The following TREML2 variants were observed in gnomAD, a reference collection of about 807,000 sequenced individuals.
TREML2 encodes the protein triggering receptor expressed on myeloid cells like 2, also known as trem-like transcript 2 protein.
In TREML2, 24 loss-of-function variants were observed where a neutral mutation model predicts 25.9. The ratio of observed to expected loss-of-function variants is 0.93; its 90% CI spans 0.67 to 1.30. The LOEUF is 1.30. Ranked by LOEUF, TREML2 falls within the 50% of genes most tolerant of loss-of-function variation. TREML2 has a pLI of 0.00. For synonymous variants in TREML2, 139 were observed against 155.2 expected, an observed-to-expected ratio of 0.90 and a Z score of 0.77; for missense variants, 359 against 395.6, an observed-to-expected ratio of 0.91 and a Z score of 0.78.
chr6:41,195,707 A>C (rs962807118), intron 2 of TREML2, among the ~76,000 whole-genome samples: 2 of 152,158 alleles, frequency 1.3e-5, no homozygotes, highest in Admixed American at 6.5e-5. Context: ...CCCCCAAAGA[A>C]CTCTTCAGAG....
At chr6:41,194,957 G>GGCCCAAGGTCAAGGAGA in intron 2 of TREML2, 124 bp from the exon 3 acceptor site, 2 of 844,172 alleles carry the variant, frequency 2.4e-6, no homozygotes, top group Non-Finnish European at 3.6e-6. Flanking sequence ...TCTTCTCCTT[G>GGCCCAAGGTCAAGGAGA]ACCTTGGGCC....
intron 2 of TREML2, among the ~76,000 whole-genome samples, chr6:41,197,571 T>A (rs1766190524): frequency 6.6e-6 from 1 of 152,196 alleles, no homozygotes; most frequent in African/African-American, 2.4e-5. Context: ...CCCCCAGTAC[T>A]TCAGTAGCTC....
intron 2 of TREML2, 61 bp downstream of exon 2, chr6:41,198,048 G>GA (rs1766201674): frequency 2.8e-6 from 4 of 1,436,400 alleles, no homozygotes; most frequent in Middle Eastern, 2.6e-4. Context: ...TCTGATGTTA[G>GA]TGGAGTGTGG....
chr6:41,194,906 A>C, intron 2 of TREML2, 73 bp from the exon 3 acceptor site: 1 of 1,427,786 alleles, frequency 7.0e-7, no homozygotes, highest in East Asian at 2.3e-5. Context: ...CTGGCAACCC[A>C]CACAGTTGCC....
chr6:41,192,834 C>G lies in TREML2; in HGVS notation c.853G>C (p.Val285Leu). ...TGTCTCTTCTTCCAAAACCCATAGA[C>G]CATGATCAGCATCAGCACCAGGAGG... ...LTLLVLMLIMVYGFWKKRHMA... is the reference protein window; with the variant it reads ...LTLLVLMLIMLYGFWKKRHMA... The change falls in exon 4 of 5, where the codon GTC (valine) becomes CTC (leucine). Residue 285 changes from valine to leucine, a missense_variant. Coordinates refer to ENST00000483722, the MANE Select transcript of TREML2 (RefSeq NM_024807.4). The G allele has an allele frequency of 6.2e-7, 1 of 1,612,220 alleles. No homozygotes were observed. Among genetic ancestry groups the G allele is most frequent in the Non-Finnish European group, 8.5e-7 (1 of 1,178,986 alleles).
In TREML2 at chr6:41,198,538, C is replaced by T. The variant is rs940555087; in HGVS notation, c.56-109G>A. On this transcript the variant is annotated intron_variant, in intron 1 of 4. Coordinates refer to ENST00000483722, the MANE Select transcript of TREML2 (RefSeq NM_024807.4). Reference sequence around the variant, plus strand: ...TAGAGTGGATATTGTCCTGCTGTCACAGAACCCACAGATTGAGGGGGAAAT... The same window carrying T: ...TAGAGTGGATATTGTCCTGCTGTCATAGAACCCACAGATTGAGGGGGAAAT... 4.7e-5 allele frequency: 56 copies of T among 1,182,590 alleles called. No homozygotes were observed. In the African/African-American group the frequency reaches 6.6e-4, roughly 14 times the overall value. 73.3% of individuals were successfully genotyped at this position (1,182,590 alleles called of 1,614,324 possible). A position where few individuals can be genotyped will look rare whatever the true frequency, so the allele number is the denominator to read the frequency against.
chr6:41,191,358 G>T lies in TREML2; in HGVS notation c.*1069C>A, dbSNP rs1766059046. 6.6e-6 allele frequency: 1 copy of T among 152,382 alleles called. No homozygotes were observed. Among genetic ancestry groups the T allele is most frequent in the Admixed American group, 6.5e-5 (1 of 15,284 alleles). 9.4% of individuals were successfully genotyped at this position (152,382 alleles called of 1,614,324 possible). ...TCGGGACATTGGGTCCCTGGCCAGA[G>T]GCTACTTGGGCTCCATTTTCCCTGT... On this transcript the variant is annotated 3_prime_UTR_variant, in exon 5 of 5. Coordinates refer to ENST00000483722, the MANE Select transcript of TREML2 (RefSeq NM_024807.4).
intron 1 of TREML2, among the ~76,000 whole-genome samples, chr6:41,200,464 G>A (rs1224985214): frequency 6.6e-6 from 1 of 152,182 alleles, no homozygotes; most frequent in Non-Finnish European, 1.5e-5. Flanking sequence ...GGCAGGAATG[G>A]GTGAGGTTCC....
Position 41,192,789 on chromosome 6 carries a change from G to A in TREML2, c.886+12C>T, listed in dbSNP as rs1318038979. ...TCTGCCCTCAGGAGGCTGGGAGGTG[G>A]GCTCTACTCACTTGCCATGTGTCTC... On this transcript the variant is annotated intron_variant, in intron 4 of 4. Transcript: ENST00000483722. 1 of 1,607,872 alleles carries A rather than the reference G, an allele frequency of 6.2e-7. No homozygotes were observed. Among genetic ancestry groups the A allele is most frequent in the Admixed American group, 1.7e-5 (1 of 59,722 alleles).
chr6:41,190,353 C>T lies in TREML2; in HGVS notation c.*2074G>A, dbSNP rs573371563. On this transcript the variant is annotated 3_prime_UTR_variant, in exon 5 of 5. Coordinates refer to ENST00000483722, the MANE Select transcript of TREML2 (RefSeq NM_024807.4). ...AGGGACTGTCATCGGGGGCCCTCAACATCCATATAGTGATGACACTTGGGA... is the reference window on the plus strand; with the variant it reads ...AGGGACTGTCATCGGGGGCCCTCAATATCCATATAGTGATGACACTTGGGA... 3 of 152,272 alleles carry T rather than the reference C, an allele frequency of 2.0e-5. No individual in the cohort carries two copies. The East Asian group carries it at 5.8e-4, about 29-fold the overall frequency. The allele number at this position is 152,272 out of a possible 1,614,324, so 9.4% of individuals were successfully genotyped here. A position where few individuals can be genotyped will look rare whatever the true frequency, so the allele number is the denominator to read the frequency against.
At chr6:41,195,946 C>T (rs1044994539) in intron 2 of TREML2, among the ~76,000 whole-genome samples, 1 of 152,330 alleles carries the variant, frequency 6.6e-6, no homozygotes, top group South Asian at 2.1e-4. Flanking sequence ...GGATGGGGAG[C>T]TGGGCAGCCA....
Position 41,192,149 on chromosome 6 carries a change from C to G in TREML2, c.*278G>C, listed in dbSNP as rs2113901769. On this transcript the variant is annotated 3_prime_UTR_variant, in exon 5 of 5. Transcript: ENST00000483722. ...CTGCCTCCACCAAGAGCCCTGGGGT[C>G]TGCAGCTCCGAGCAGAAACCACTGG... The G allele has an allele frequency of 6.6e-6, 3 of 455,630 alleles. No individual in the cohort carries two copies. In the South Asian group the frequency reaches 7.9e-5, roughly 12 times the overall value. 28.2% of individuals were successfully genotyped at this position (455,630 alleles called of 1,614,324 possible).
Position 41,191,169 on chromosome 6 carries a change from C to CTGTGTGTGTGTGTGTG in TREML2, c.*1242_*1257dup, listed in dbSNP as rs1179546033. 6.0e-5 allele frequency: 7 copies of CTGTGTGTGTGTGTGTG among 117,250 alleles called. No individual in the cohort carries two copies. Among genetic ancestry groups the CTGTGTGTGTGTGTGTG allele is most frequent in the East Asian group, 5.4e-4 (2 of 3,718 alleles). The allele number at this position is 117,250 out of a possible 1,614,324, so 7.3% of individuals were successfully genotyped here. A position where few individuals can be genotyped will look rare whatever the true frequency, so the allele number is the denominator to read the frequency against. ...CCAGTCACTCCAGGTCAGTAGACACCTGTGTGTGTGTGTGTGTGTGTGTGT... is the reference window on the plus strand; with the variant it reads ...CCAGTCACTCCAGGTCAGTAGACACCTGTGTGTGTGTGTGTGTGTGTGTGTGTGTGTGTGTGTGTGT... On this transcript the variant is annotated 3_prime_UTR_variant, in exon 5 of 5. Coordinates refer to ENST00000483722, the MANE Select transcript of TREML2 (RefSeq NM_024807.4).
In TREML2 at chr6:41,189,937, G is replaced by A. The variant is rs968095910; in HGVS notation, c.*2490C>T. Among the ~76,000 whole-genome samples the A allele has an allele frequency of 6.6e-6, 1 of 152,168 alleles. No homozygotes were observed. Among genetic ancestry groups the A allele is most frequent in the African/African-American group, 2.4e-5 (1 of 41,440 alleles). ...TCCCTGCTGTCCTTCTAATGTACAT[G>A]TGGGCCCTTGGCTTGAGTTACTTAC... On this transcript the variant is annotated 3_prime_UTR_variant, in exon 5 of 5. Coordinates refer to ENST00000483722, the MANE Select transcript of TREML2 (RefSeq NM_024807.4).
rs1561887549 is a variant in TREML2, at chr6:41,191,168, C to CGTGT, written c.*1258_*1259insACAC. 154 of 120,078 alleles carry CGTGT rather than the reference C, an allele frequency of 1.3e-3. 3 individuals are homozygous for CGTGT. Among genetic ancestry groups the CGTGT allele is most frequent in the South Asian group, 3.1e-3 (11 of 3,494 alleles). 7.4% of individuals were successfully genotyped at this position (120,078 alleles called of 1,614,324 possible). ...TCCAGTCACTCCAGGTCAGTAGACA[C>CGTGT]CTGTGTGTGTGTGTGTGTGTGTGTG... On this transcript the variant is annotated 3_prime_UTR_variant, in exon 5 of 5. Transcript: ENST00000483722.
chr6:41,195,484 G>A (rs563474447), intron 2 of TREML2, among the ~76,000 whole-genome samples: 14 of 152,346 alleles, frequency 9.2e-5, no homozygotes, highest in African/African-American at 3.4e-4. Context: ...CATGGAATGT[G>A]AAAATTGGAG....
rs759249846 is a variant in TREML2 at position 41,194,647 on chromosome 6, G to A, written c.563C>T (p.Thr188Ile). The A allele has an allele frequency of 1.2e-6, 2 of 1,614,064 alleles. No homozygotes were observed. The highest frequency in any genetic ancestry group is 1.7e-6 in the Non-Finnish European group (2 of 1,179,980). Residue 188 changes from threonine to isoleucine, a missense_variant, in exon 3 of 5, where the codon ACA (threonine) becomes ATA (isoleucine). Coordinates refer to ENST00000483722, the MANE Select transcript of TREML2 (RefSeq NM_024807.4). ...GCTGGTAGCAGTGAAGCTGTAGCCTGTCTTGGAGGCAGGTCTGGTGGAGGC... is the reference window on the plus strand; with the variant it reads ...GCTGGTAGCAGTGAAGCTGTAGCCTATCTTGGAGGCAGGTCTGGTGGAGGC... ...LLASTRPASKTGYSFTATSTT... is the reference protein window; with the variant it reads ...LLASTRPASKIGYSFTATSTT...
chr6:41,192,746 A>C (rs1766090336), intron 4 of TREML2, 55 bp downstream of exon 4: 2 of 1,495,072 alleles, frequency 1.3e-6, no homozygotes, highest in Admixed American at 1.7e-5. Context: ...CATAACCCTT[A>C]GTGCAGTTAC....
Position 41,201,024 on chromosome 6 carries a change from G to A in TREML2, c.-16C>T, listed in dbSNP as rs769905357. ...CTGGGGCCATGGTTCCATCCAGCTG[G>A]GCAGTGTCAGGCCTGGAGATCCAAG... is the stretch of plus-strand genomic sequence containing the variant. On this transcript the variant is annotated 5_prime_UTR_variant, in exon 1 of 5. Transcript: ENST00000483722. The A allele has an allele frequency of 6.2e-7, 1 of 1,611,208 alleles. No homozygotes were observed. The highest frequency in any genetic ancestry group is 1.3e-5 in the African/African-American group (1 of 74,968).
Sources: gnomAD v4.1 joint callset for allele counts (sites outside exome capture counted in the v4.1 genomes callset) on GRCh38, gnomAD v4.1.1 for gene constraint, MANE v1.5 for transcripts, NCBI Gene and HGNC (gene_info 2026-07-23, HGNC 2026-07-21) for gene names.